UPP2: variants seen among roughly 807,000 people sequenced by gnomAD.
UPP2 encodes the protein UPase 2.
In UPP2, 23 loss-of-function variants were observed where a neutral mutation model predicts 26.7. The observed-to-expected ratio is 0.86, with a 90% confidence interval of 0.62 to 1.22. The LOEUF (loss-of-function observed/expected upper bound fraction) is 1.22. UPP2 is among the 50% of genes most tolerant of loss of function. The pLI is 0.00. For missense variants in UPP2, 387 were observed against 396.7 expected (o/e 0.98, Z 0.21); for synonymous variants, 127 against 141.3 (o/e 0.90, Z 0.72).
chr2:158,068,645 G>C (rs1205929550), intron 3 of UPP2, among the ~76,000 whole-genome samples: 1 of 150,754 alleles, frequency 6.6e-6, no homozygotes, highest in Non-Finnish European at 1.5e-5. Context: ...ACGCTCAGAT[G>C]CTTGTGTGGG....
At chr2:158,102,977 T>A (rs1005296502) in intron 1 of UPP2, among the ~76,000 whole-genome samples, 2 of 152,226 alleles carry the variant, frequency 1.3e-5, no homozygotes, top group Non-Finnish European at 2.9e-5. Context: ...CATCATGTAG[T>A]GTAATTTGTC....
At chr2:158,057,055 T>C (rs958966306) in intron 3 of UPP2, among the ~76,000 whole-genome samples, 8 of 152,184 alleles carry the variant, frequency 5.3e-5, no homozygotes, top group African/African-American at 2.4e-5. Flanking sequence ...TTTCTTATGA[T>C]AACACTAGGG....
intron 3 of UPP2, among the ~76,000 whole-genome samples, chr2:158,056,730 T>G (rs1467439425): frequency 6.6e-6 from 1 of 152,230 alleles, no homozygotes; most frequent in Non-Finnish European, 1.5e-5. Context: ...GCAGTCGTAC[T>G]GGATTCAGGA....
chr2:158,134,408 A>G (rs935585898), intron 6 of UPP2, among the ~76,000 whole-genome samples: 1 of 152,238 alleles, frequency 6.6e-6, no homozygotes, highest in African/African-American at 2.4e-5. Context: ...AGAACTGGAA[A>G]TAGGATAGAA....
intron 3 of UPP2, among the ~76,000 whole-genome samples, chr2:158,074,553 C>A (rs1682596161): frequency 6.6e-6 from 1 of 151,886 alleles, no homozygotes; most frequent in African/African-American, 2.4e-5. Context: ...TTACAGGCTT[C>A]ATGATAACTT....
chr2:158,082,137 G>A (rs978857231), intron 3 of UPP2, among the ~76,000 whole-genome samples: 2 of 152,040 alleles, frequency 1.3e-5, no homozygotes, highest in East Asian at 3.9e-4. Flanking sequence ...TTGTAGTACA[G>A]ATGGGTTTCA....
chr2:158,129,088 C>A (rs1282641345), intron 6 of UPP2, among the ~76,000 whole-genome samples: 1 of 152,040 alleles, frequency 6.6e-6, no homozygotes, highest in Non-Finnish European at 1.5e-5. Flanking sequence ...ATTCCACCCT[C>A]CTAGCCTCTA....
At chr2:158,000,838 G>C (rs989498033) in intron 2 of UPP2, among the ~76,000 whole-genome samples, 2 of 152,216 alleles carry the variant, frequency 1.3e-5, no homozygotes, top group Non-Finnish European at 2.9e-5. Flanking sequence ...GAGGGAATTT[G>C]GGTCTACAAA....
chr2:158,020,715 T>C (rs945151617), intron 3 of UPP2, among the ~76,000 whole-genome samples: 2 of 152,240 alleles, frequency 1.3e-5, no homozygotes, highest in East Asian at 1.9e-4. Flanking sequence ...ACAACCATTC[T>C]GACTGGTTGG....
chr2:158,106,452 G>A lies in UPP2; in HGVS notation c.180+236G>A, dbSNP rs187597032. On this transcript the variant is annotated intron_variant, in intron 2 of 6. Coordinates refer to ENST00000005756, the MANE Select transcript of UPP2 (RefSeq NM_173355.4). ...TGCAAACATGTTATTTGGCTACTCTGGCCCCTGGAGATAAATATAATTTTA... is the reference window on the plus strand; with the variant it reads ...TGCAAACATGTTATTTGGCTACTCTAGCCCCTGGAGATAAATATAATTTTA... 7.9e-4 allele frequency among the ~76,000 whole-genome samples: 120 copies of A among 152,192 alleles called. 2 individuals carry two copies. Among genetic ancestry groups the A allele is most frequent in the African/African-American group, 2.6e-3 (109 of 41,514 alleles).
At chr2:158,016,779 G>T (rs1441375417) in intron 3 of UPP2, among the ~76,000 whole-genome samples, 1 of 152,064 alleles carries the variant, frequency 6.6e-6, no homozygotes, top group African/African-American at 2.4e-5. Flanking sequence ...ATAATTAAGT[G>T]TTGAGAGGGC....
intron 3 of UPP2, among the ~76,000 whole-genome samples, chr2:158,093,775 C>T (rs973170010): frequency 3.3e-5 from 5 of 151,818 alleles, no homozygotes; most frequent in African/African-American, 9.7e-5. Context: ...AAAAGTGTAA[C>T]TTGGTAAAAC....
intron 3 of UPP2, among the ~76,000 whole-genome samples, chr2:158,019,249 C>G (rs998264152): frequency 5.9e-5 from 9 of 152,086 alleles, no homozygotes; most frequent in African/African-American, 2.2e-4. Flanking sequence ...GATTAGCATC[C>G]AAGATGGAGT....
At chr2:158,132,522 A>G (rs778125719) in intron 6 of UPP2, among the ~76,000 whole-genome samples, 7 of 152,258 alleles carry the variant, frequency 4.6e-5, no homozygotes, top group Admixed American at 6.5e-5. Context: ...TAAAGGATTA[A>G]GTGATATCAT....
At chr2:158,009,571 G>A (rs1406505346) in intron 2 of UPP2, among the ~76,000 whole-genome samples, 3 of 152,200 alleles carry the variant, frequency 2.0e-5, no homozygotes, top group African/African-American at 7.2e-5. Flanking sequence ...GGCTTTTCTT[G>A]TCATAGCACT....
chr2:158,024,249 A>T (rs1276006530), intron 3 of UPP2, among the ~76,000 whole-genome samples: 2 of 152,084 alleles, frequency 1.3e-5, no homozygotes, highest in African/African-American at 4.8e-5. Context: ...GCTTCCTGGG[A>T]GGTTATCTCT....
chr2:158,041,693 A>C (rs965118305), intron 3 of UPP2, among the ~76,000 whole-genome samples: 2 of 152,232 alleles, frequency 1.3e-5, no homozygotes, highest in African/African-American at 4.8e-5. Flanking sequence ...ACTTATGATT[A>C]AATGAGAACT....
rs140757282 is a variant in UPP2 at position 158,078,835 on chromosome 2, C to T, written c.148-23205C>T. On this transcript the variant is annotated intron_variant, in intron 3 of 9. Transcript: ENST00000605860. ...TTTGAGGGGATGGATACCCCGTTTA[C>T]CCTGATGTGGTTATTGCATGTTGCA... 7.2e-5 allele frequency among the ~76,000 whole-genome samples: 11 copies of T among 152,206 alleles called. No homozygotes were observed. In the South Asian group the frequency reaches 1.2e-3, roughly 17 times the overall value.
chr2:158,031,071 TAAG>T (rs760317536), intron 3 of UPP2, among the ~76,000 whole-genome samples: 41 of 152,226 alleles, frequency 2.7e-4, no homozygotes, highest in Non-Finnish European at 4.7e-4. Flanking sequence ...AGAATAAAAA[TAAG>T]AAGGCAGCAA....
Sources: gnomAD v4.1 joint callset for allele counts (sites outside exome capture counted in the v4.1 genomes callset) on GRCh38, gnomAD v4.1.1 for gene constraint, MANE v1.5 for transcripts, NCBI Gene and HGNC (gene_info 2026-07-23, HGNC 2026-07-21) for gene names.